ADAMTS9: variants seen among roughly 807,000 people sequenced by gnomAD.
ADAMTS9 encodes the protein A disintegrin and metalloproteinase with thrombospondin motifs 9.
A neutral mutation model predicts 257.1 loss-of-function variants in ADAMTS9; 107 were observed. The ratio of observed to expected loss-of-function variants is 0.42; its 90% CI spans 0.36 to 0.49. The LOEUF is 0.49. Ranked by LOEUF, ADAMTS9 falls within the 20% of genes least tolerant of loss-of-function variation. The pLI is 0.03. For missense variants in ADAMTS9, 2,353 were observed against 2,469.1 expected, an observed-to-expected ratio of 0.95 and a Z score of 1.00; for synonymous variants, 982 against 880.9, an observed-to-expected ratio of 1.11 and a Z score of -2.03.
At chr3:64,654,116 G>T (rs1700999148) in intron 8 of ADAMTS9, among the ~76,000 whole-genome samples, 1 of 152,198 alleles carries the variant, frequency 6.6e-6, no homozygotes, top group African/African-American at 2.4e-5. Context: ...TTAAACTTGA[G>T]CAGTTAAACT....
Position 64,616,924 on chromosome 3 carries a change from T to C in ADAMTS9, c.2814-754A>G, listed in dbSNP as rs1255592046. ...TACCAATGTCCTGAGACTACTTCCA[T>C]GTGTACCTGTCCAGGGTAGAACTCA... On this transcript the variant is annotated intron_variant, in intron 19 of 39. Transcript: ENST00000498707. 2.6e-5 allele frequency among the ~76,000 whole-genome samples: 4 copies of C among 152,140 alleles called. No homozygotes were observed. The East Asian group carries it at 5.8e-4, about 22-fold the overall frequency.
chr3:64,613,327 T>A lies in ADAMTS9; in HGVS notation c.3354+18A>T. ...AAGGAAAGAATGTAGCAGTTAAGAA[T>A]CTTATCGTTCAAAATACCTGTCCCC... On this transcript the variant is annotated intron_variant, in intron 22 of 39. Transcript: ENST00000498707. The A allele has an allele frequency of 1.2e-6, 2 of 1,611,340 alleles. No individual in the cohort carries two copies. The highest frequency in any genetic ancestry group is 2.2e-5 in the South Asian group (2 of 90,642).
chr3:64,550,828 T>A (rs2083260854), intron 31 of ADAMTS9, 64 bp downstream of exon 31: 1 of 1,594,726 alleles, frequency 6.3e-7, no homozygotes, highest in South Asian at 1.1e-5. Flanking sequence ...ATCCCTCCAC[T>A]CATCCCTCTG....
At position 64,546,836 on chromosome 3, in the gene ADAMTS9, C is replaced by T. The variant is rs149929350; in HGVS notation, c.4986G>A (p.Thr1662=). 1.8e-4 allele frequency: 285 copies of T among 1,614,096 alleles called. 1 individual carries two copies. In the African/African-American group the frequency reaches 3.2e-3, roughly 18 times the overall value. Residue 1662 remains threonine (T), a synonymous_variant, in exon 32 of 40, where the codon ACG becomes ACA. Coordinates refer to ENST00000498707, the MANE Select transcript of ADAMTS9 (RefSeq NM_182920.2). ...AACAGGGGTGAACACTGGGGGGCTG[C>T]GTGCCTGGGCAGTTGATGGTGGTTT... The part of the protein sequence containing the change: ...SYQTTINCPG[T]QPPSVHPCYL...
intron 38 of ADAMTS9, among the ~76,000 whole-genome samples, chr3:64,532,096 T>C (rs1173751607): frequency 6.6e-6 from 1 of 152,204 alleles, no homozygotes; most frequent in Admixed American, 6.5e-5. Flanking sequence ...CATTTAAAAA[T>C]TCCTCAGGTG....
At chr3:64,555,059 A>G (rs1366970158) in intron 30 of ADAMTS9, among the ~76,000 whole-genome samples, 1 of 152,224 alleles carries the variant, frequency 6.6e-6, no homozygotes, top group African/African-American at 2.4e-5. Flanking sequence ...AAGGTTGTTG[A>G]TTTTCTCCAT....
intron 19 of ADAMTS9, among the ~76,000 whole-genome samples, chr3:64,619,385 A>T (rs921762654): frequency 6.6e-6 from 1 of 152,202 alleles, no homozygotes; most frequent in East Asian, 1.9e-4. Context: ...ACTCATCGTT[A>T]TAACTGAATT....
chr3:64,604,756 G>T (rs915732608), intron 23 of ADAMTS9, among the ~76,000 whole-genome samples: 2 of 152,200 alleles, frequency 1.3e-5, no homozygotes, highest in African/African-American at 4.8e-5. Context: ...TCATGAACTT[G>T]CTTTCCCTGT....
intron 22 of ADAMTS9, among the ~76,000 whole-genome samples, chr3:64,607,846 C>A (rs2084586762): frequency 6.6e-6 from 1 of 152,136 alleles, no homozygotes; most frequent in African/African-American, 2.4e-5. Flanking sequence ...ACTACATATT[C>A]CTCTCAAACG....
intron 39 of ADAMTS9, among the ~76,000 whole-genome samples, chr3:64,518,798 A>T (rs2106864246): frequency 8.9e-6 from 1 of 111,828 alleles, no homozygotes; most frequent in South Asian, 3.1e-4. Flanking sequence ...TTTGAGACAG[A>T]GGCTTACTCT....
At chr3:64,585,814 A>C (rs150915851) in intron 28 of ADAMTS9, among the ~76,000 whole-genome samples, 2,108 of 152,140 alleles carry the variant, frequency 0.014, 51 homozygotes, top group African/African-American at 0.048. Flanking sequence ...TCTTCTGAAA[A>C]CCCCAAATCT....
intron 3 of ADAMTS9, among the ~76,000 whole-genome samples, chr3:64,677,205 A>C (rs1701642326): frequency 6.6e-6 from 1 of 152,144 alleles, no homozygotes; most frequent in African/African-American, 2.4e-5. Context: ...CAGTATGTAA[A>C]GGACACTGCA....
chr3:64,590,312 G>C (rs1157567356), intron 28 of ADAMTS9, among the ~76,000 whole-genome samples: 1 of 152,064 alleles, frequency 6.6e-6, no homozygotes, highest in African/African-American at 2.4e-5. Context: ...ACAGGTTGGA[G>C]GGAATTTACA....
chr3:64,633,593 C>T lies in ADAMTS9; in HGVS notation c.2054G>A (p.Arg685Gln), dbSNP rs774811523. The T allele has an allele frequency of 9.9e-6, 16 of 1,614,056 alleles. No homozygotes were observed. Among genetic ancestry groups the T allele is most frequent in the Non-Finnish European group, 1.2e-5 (14 of 1,180,004 alleles). ...TGCCACTCTGCAGAACAACTTGCAC[C>T]GGTCCTTCATCAGAACTAGAGAGGA... ...PKYSGILMKD[R>Q]CKLFCRVAGN... The change falls in exon 14 of 40, where the codon CGG (arginine) becomes CAG (glutamine). Residue 685 changes from arginine to glutamine, a missense_variant. This residue lies in a region of ADAMTS9 where 360 missense variants were observed against 458.1 expected (regional missense o/e 0.79). Transcript: ENST00000498707.
chr3:64,587,715 G>A (rs1166947142), intron 28 of ADAMTS9: 2 of 152,136 alleles, frequency 1.3e-5, no homozygotes, highest in African/African-American at 2.4e-5. Context: ...CCCTGGACAT[G>A]CTTTCCTTGG....
At position 64,541,087 on chromosome 3, in the gene ADAMTS9, T is replaced by C; in HGVS notation, c.5521+8A>G. On this transcript the variant is annotated splice_region_variant and intron_variant, in intron 36 of 39. Coordinates refer to ENST00000498707, the MANE Select transcript of ADAMTS9 (RefSeq NM_182920.2). ...CACACGTTCCCAAAGGACTCCTCACTAACTTACTGATTATCTGCATGCTGG... is the reference window on the plus strand; with the variant it reads ...CACACGTTCCCAAAGGACTCCTCACCAACTTACTGATTATCTGCATGCTGG... The C allele has an allele frequency of 6.2e-7, 1 of 1,613,888 alleles. No individual in the cohort carries two copies. Among genetic ancestry groups the C allele is most frequent in the Non-Finnish European group, 8.5e-7 (1 of 1,179,812 alleles).
At chr3:64,519,763 C>T (rs2082826747) in intron 39 of ADAMTS9, among the ~76,000 whole-genome samples, 1 of 152,070 alleles carries the variant, frequency 6.6e-6, no homozygotes, top group African/African-American at 2.4e-5. Flanking sequence ...ATGATAAAAA[C>T]CTACAAGGCA....
At chr3:64,591,176 C>T (rs1371412944) in intron 28 of ADAMTS9, among the ~76,000 whole-genome samples, 2 of 152,114 alleles carry the variant, frequency 1.3e-5, no homozygotes, top group African/African-American at 2.4e-5. Flanking sequence ...CATGGTGGCT[C>T]ATGTCTGTAA....
Position 64,550,919 on chromosome 3 carries a change from A to G in ADAMTS9, c.4842T>C (p.Tyr1614=). ...CTGACCATTCTCCTGTGATCCAGAC[A>G]TACTCGCAGGGTTGCAAACTACAGC... ...RESCSLQPCE[Y]VWITGEWSEC... Residue 1614 remains tyrosine (Y), a synonymous_variant, in exon 31 of 40, where the codon TAT becomes TAC. Coordinates refer to ENST00000498707, the MANE Select transcript of ADAMTS9 (RefSeq NM_182920.2). 6.2e-7 allele frequency: 1 copy of G among 1,614,148 alleles called. No homozygotes were observed. Among genetic ancestry groups the G allele is most frequent in the Non-Finnish European group, 8.5e-7 (1 of 1,180,012 alleles).
Sources: gnomAD v4.1 joint callset for allele counts (sites outside exome capture counted in the v4.1 genomes callset) on GRCh38, gnomAD v4.1.1 for gene constraint, gnomAD v4.1.1 regional missense constraint, MANE v1.5 for transcripts, NCBI Gene and HGNC (gene_info 2026-07-23, HGNC 2026-07-21) for gene names.